Variants in ADAMTS20 observed in about 807,000 individuals in gnomAD.
ADAMTS20 encodes A disintegrin and metalloproteinase with thrombospondin motifs 20.
In ADAMTS20, 225 loss-of-function variants were observed where a neutral mutation model predicts 260.1. The observed-to-expected ratio is 0.87, with a 90% CI of 0.78 to 0.97. The LOEUF is 0.97. ADAMTS20 is among the 50% of genes least tolerant of loss of function. The pLI, the probability that ADAMTS20 is intolerant of heterozygous loss-of-function variation, is 0.00. For missense variants in ADAMTS20, 2,400 were observed against 2,337.7 expected (o/e 1.03, Z -0.55); for synonymous variants, 802 against 769.5 (o/e 1.04, Z -0.70).
At chr12:43,363,904 G>C (rs1353849899) in intron 37 of ADAMTS20, among the ~76,000 whole-genome samples, 4 of 152,174 alleles carry the variant, frequency 2.6e-5, no homozygotes, top group African/African-American at 9.7e-5. Flanking sequence ...AGATTATGGA[G>C]TTATTTATGC....
chr12:43,439,777 C>A, intron 17 of ADAMTS20, 26 bp from the exon 18 acceptor site: 1 of 1,584,416 alleles, frequency 6.3e-7, no homozygotes, highest in Non-Finnish European at 8.6e-7. Flanking sequence ...AAAGAACATA[C>A]AATTAATACA....
intron 15 of ADAMTS20, 128 bp downstream of exon 15, chr12:43,446,467 A>G: frequency 1.6e-6 from 1 of 627,992 alleles, no homozygotes; most frequent in African/African-American, 1.8e-5. Context: ...ATTTTTCCTT[A>G]ACAATCATTT....
At chr12:43,379,373 T>A (rs562538507) in intron 31 of ADAMTS20, among the ~76,000 whole-genome samples, 2 of 152,114 alleles carry the variant, frequency 1.3e-5, no homozygotes, top group Non-Finnish European at 2.9e-5. Context: ...AGTGTATTAA[T>A]GGGATCTAGA....
chr12:43,496,751 T>C (rs1006716386), intron 4 of ADAMTS20, among the ~76,000 whole-genome samples: 1 of 152,186 alleles, frequency 6.6e-6, no homozygotes, highest in East Asian at 1.9e-4. Flanking sequence ...GAAAGACATT[T>C]GTTTTAAAGA....
In ADAMTS20 at chr12:43,414,859, G is replaced by A. The variant is rs74995347; in HGVS notation, c.4284+10655C>T. The stretch of plus-strand genomic sequence containing the variant: ...ACAGATATGGATATACATGTTCACC[G>A]AAAGACATGTCTGAGAAATGCTCAT... On this transcript the variant is annotated intron_variant, in intron 28 of 38. Coordinates refer to ENST00000389420, the MANE Select transcript of ADAMTS20 (RefSeq NM_025003.5). 2.6e-3 allele frequency among the ~76,000 whole-genome samples: 398 copies of A among 151,686 alleles called. 3 individuals are homozygous for A. Among genetic ancestry groups the A allele is most frequent in the East Asian group, 0.023 (117 of 5,162 alleles).
At chr12:43,354,322 A>G in intron 38 of ADAMTS20, 24 bp from the exon 39 acceptor site, 4 of 1,525,082 alleles carry the variant, frequency 2.6e-6, no homozygotes, top group Non-Finnish European at 3.6e-6. Flanking sequence ...GAAGAAATAC[A>G]GAAGAATCTT....
chr12:43,523,502 C>T (rs1184652757), intron 3 of ADAMTS20, among the ~76,000 whole-genome samples: 1 of 152,014 alleles, frequency 6.6e-6, no homozygotes, highest in East Asian at 1.9e-4. Flanking sequence ...GTTGGGTACC[C>T]CAGCTGTGCA....
intron 3 of ADAMTS20, among the ~76,000 whole-genome samples, chr12:43,530,530 G>A (rs1943205910): frequency 6.6e-6 from 1 of 152,118 alleles, no homozygotes; most frequent in Non-Finnish European, 1.5e-5. Context: ...CATTCCCAAG[G>A]AAAACCATCA....
At chr12:43,386,075 C>T (rs1565675324) in intron 29 of ADAMTS20, among the ~76,000 whole-genome samples, 4 of 151,878 alleles carry the variant, frequency 2.6e-5, no homozygotes, top group Admixed American at 2.6e-4. Flanking sequence ...TAGCGGTCTA[C>T]CTATTTTGTT....
At chr12:43,496,662 T>C (rs991182163) in intron 4 of ADAMTS20, among the ~76,000 whole-genome samples, 3 of 152,148 alleles carry the variant, frequency 2.0e-5, no homozygotes, top group South Asian at 2.1e-4. Context: ...ATATCCATGT[T>C]GAGGCACTGG....
Position 43,468,615 on chromosome 12 carries a change from T to C in ADAMTS20, c.1208A>G (p.His403Arg), listed in dbSNP as rs773051063. The part of the protein sequence containing the change: ...KGLISAFTIA[H>R]ELGHTLGVQH... Reference sequence around the variant, plus strand: ...AGGTACTTACGTGTGCCCAAGCTCATGGGCTATAGTAAAAGCAGAAATGAG... The same window carrying C: ...AGGTACTTACGTGTGCCCAAGCTCACGGGCTATAGTAAAAGCAGAAATGAG... The change falls in exon 8 of 39, where the codon CAT becomes CGT. Residue 403 changes from histidine (H) to arginine (R), a missense_variant. Physicochemically the swap from His to Arg is conservative, Grantham distance 29. Transcript: ENST00000389420. The C allele has an allele frequency of 3.1e-6, 5 of 1,606,942 alleles. No individual in the cohort carries two copies. The highest frequency in any genetic ancestry group is 1.1e-5 in the South Asian group (1 of 90,210).
chr12:43,384,123 ATTTTTACCATTATCTC>A, intron 29 of ADAMTS20, 146 bp from the exon 30 acceptor site: 1 of 810,330 alleles, frequency 1.2e-6, no homozygotes, highest in Admixed American at 3.2e-5. Flanking sequence ...TACAATAAGT[ATTTTTACCATTATCTC>A]TGTAAATGTA....
chr12:43,533,883 T>A lies in ADAMTS20; in HGVS notation c.454-1688A>T, dbSNP rs201283555. ...GAAAAACAAGCAATGGGGAAAGGATTCCCTATTTAATAAATGGTGCTGGGA... is the reference window on the plus strand; with the variant it reads ...GAAAAACAAGCAATGGGGAAAGGATACCCTATTTAATAAATGGTGCTGGGA... On this transcript the variant is annotated intron_variant, in intron 2 of 38. Coordinates refer to ENST00000389420, the MANE Select transcript of ADAMTS20 (RefSeq NM_025003.5). Among the ~76,000 whole-genome samples, 27 of 9,864 alleles carry A rather than the reference T, an allele frequency of 2.7e-3. 1 individual carries two copies. Among genetic ancestry groups the A allele is most frequent in the East Asian group, 0.056 (2 of 36 alleles). 6.5% of individuals were successfully genotyped at this position (9,864 alleles called of 152,430 possible).
At chr12:43,414,526 G>T (rs1018116370) in intron 28 of ADAMTS20, among the ~76,000 whole-genome samples, 1 of 152,004 alleles carries the variant, frequency 6.6e-6, no homozygotes. Flanking sequence ...AGAAAATCCA[G>T]TAGAAAAGTG....
chr12:43,535,085 C>T (rs1943275970), intron 2 of ADAMTS20, among the ~76,000 whole-genome samples: 2 of 152,236 alleles, frequency 1.3e-5, no homozygotes, highest in South Asian at 2.1e-4. Flanking sequence ...CCCATCCCTA[C>T]TCCTAAAAAC....
intron 37 of ADAMTS20, among the ~76,000 whole-genome samples, chr12:43,357,978 T>C (rs2137179980): frequency 6.6e-6 from 1 of 152,350 alleles, no homozygotes; most frequent in South Asian, 2.1e-4. Flanking sequence ...TTAATCAACC[T>C]GATACAGGTT....
chr12:43,429,671 T>G lies in ADAMTS20; in HGVS notation c.3435A>C (p.Leu1145Phe). The G allele has an allele frequency of 2.1e-5, 34 of 1,600,208 alleles. No homozygotes were observed. The highest frequency in any genetic ancestry group is 2.7e-5 in the Non-Finnish European group (32 of 1,172,394). The change falls in exon 24 of 39, where the codon TTA (leucine) becomes TTC (phenylalanine). Residue 1145 changes from leucine (L) to phenylalanine (F), a missense_variant. Leu to Phe is a conservative substitution (Grantham distance 22, BLOSUM62 0). Transcript: ENST00000389420. ...SFISKLETALLPTVLIKKMAQ... is the reference protein window; with the variant it reads ...SFISKLETALFPTVLIKKMAQ... Reference sequence around the variant, plus strand: ...CCATCTTTTTTATGAGAACAGTTGGTAATAAAGCGGTCTCAAGTTTAGAAA... The same window carrying G: ...CCATCTTTTTTATGAGAACAGTTGGGAATAAAGCGGTCTCAAGTTTAGAAA...
At chr12:43,461,262 A>G (rs887124611) in intron 11 of ADAMTS20, among the ~76,000 whole-genome samples, 107 of 151,768 alleles carry the variant, frequency 7.1e-4, no homozygotes, top group African/African-American at 2.5e-3. Context: ...AAGTGCTGGG[A>G]TTACAGGCAT....
At chr12:43,466,239 T>C (rs902814724) in intron 9 of ADAMTS20, among the ~76,000 whole-genome samples, 1 of 152,018 alleles carries the variant, frequency 6.6e-6, no homozygotes. Context: ...TGACTTTAGC[T>C]ATTCTCTGTC....
Sources: gnomAD v4.1 joint callset for allele counts (sites outside exome capture counted in the v4.1 genomes callset) on GRCh38, gnomAD v4.1.1 for gene constraint, MANE v1.5 for transcripts, NCBI Gene and HGNC (gene_info 2026-07-23, HGNC 2026-07-21) for gene names.